The following SLC1A1 variants were observed in gnomAD, a reference collection of about 807,000 sequenced individuals.
The protein encoded by SLC1A1 is solute carrier family 1 member 1, also known as excitatory amino acid transporter 3.
A neutral mutation model predicts 53.3 loss-of-function variants in SLC1A1; 43 were observed. The observed-to-expected ratio is 0.81, with a 90% confidence interval of 0.63 to 1.04. The LOEUF (loss-of-function observed/expected upper bound fraction) is 1.04, where lower values mean the gene tolerates loss of function less well. Ranked by LOEUF, SLC1A1 falls within the 50% of genes least tolerant of loss-of-function variation. The pLI is 0.00. For missense variants in SLC1A1, 748 were observed against 664.9 expected, an observed-to-expected ratio of 1.12 and a Z score of -1.37; for synonymous variants, 307 against 243.2, an observed-to-expected ratio of 1.26 and a Z score of -2.44.
intron 1 of SLC1A1, among the ~76,000 whole-genome samples, chr9:4,538,842 G>A (rs1016057639): frequency 1.3e-5 from 2 of 152,138 alleles, no homozygotes; most frequent in Non-Finnish European, 1.5e-5. Context: ...GAAACTATCC[G>A]TCTATTTATC....
At chr9:4,518,881 T>C (rs1038103082) in intron 1 of SLC1A1, among the ~76,000 whole-genome samples, 9 of 152,236 alleles carry the variant, frequency 5.9e-5, no homozygotes, top group African/African-American at 2.2e-4. Context: ...TATCATTCCT[T>C]CTTGACTTAT....
intron 1 of SLC1A1, among the ~76,000 whole-genome samples, chr9:4,539,257 G>A (rs1308109366): frequency 6.6e-6 from 1 of 152,110 alleles, no homozygotes; most frequent in Non-Finnish European, 1.5e-5. Context: ...AACAAAGGCT[G>A]GTTAGGACCT....
rs1317862476 is a variant in SLC1A1 at position 4,587,360 on chromosome 9, G to A, written c.*1802G>A. On this transcript the variant is annotated 3_prime_UTR_variant, in exon 12 of 12. Transcript: ENST00000262352. ...TGGCAGAGCTGTTCATGAGCTGCCA[G>A]TTATCATTTTGGAGTCAGTTTGAAA... is the stretch of plus-strand genomic sequence containing the variant. 5 of 152,196 alleles carry A rather than the reference G, an allele frequency of 3.3e-5. No individual in the cohort carries two copies. Among genetic ancestry groups the A allele is most frequent in the African/African-American group, 1.2e-4 (5 of 41,440 alleles). 9.4% of individuals were successfully genotyped at this position (152,196 alleles called of 1,614,324 possible).
intron 1 of SLC1A1, among the ~76,000 whole-genome samples, chr9:4,515,201 C>A (rs561729556): frequency 2.6e-5 from 4 of 152,270 alleles, no homozygotes; most frequent in Middle Eastern, 3.4e-3. Flanking sequence ...ATGCTGGCCT[C>A]TTCTAACCTA....
At position 4,583,174 on chromosome 9, in the gene SLC1A1, T is replaced by C; in HGVS notation, c.1328+2T>C. ...GATCATTGCTGTCGACTGGCTCCTG[T>C]GAGTTGGAATAAATGCACTGCCTTA... is the stretch of plus-strand genomic sequence containing the variant. On this transcript the variant is annotated splice_donor_variant, in intron 11 of 11. Transcript: ENST00000262352. LOFTEE classifies it high-confidence loss of function. The surrounding 1 kb of genome is among the most constrained non-coding windows in gnomAD (Gnocchi z 4.6). 6.2e-7 allele frequency: 1 copy of C among 1,614,230 alleles called. No individual in the cohort carries two copies. Among genetic ancestry groups the C allele is most frequent in the Non-Finnish European group, 8.5e-7 (1 of 1,180,042 alleles).
At chr9:4,512,551 G>C (rs879727046) in intron 1 of SLC1A1, among the ~76,000 whole-genome samples, 1 of 151,862 alleles carries the variant, frequency 6.6e-6, no homozygotes, top group South Asian at 2.1e-4. Context: ...GAAAGATAAA[G>C]GCATTAGAAG....
chr9:4,534,095 C>G (rs1816581911), intron 1 of SLC1A1, among the ~76,000 whole-genome samples: 1 of 152,134 alleles, frequency 6.6e-6, no homozygotes, highest in African/African-American at 2.4e-5. Context: ...TAAATGCCCA[C>G]AACAGAAAGC....
At chr9:4,516,495 T>C (rs529230710) in intron 1 of SLC1A1, among the ~76,000 whole-genome samples, 6 of 152,306 alleles carry the variant, frequency 3.9e-5, no homozygotes, top group African/African-American at 1.4e-4. Context: ...ATCAAACCTT[T>C]ACCCGACCCA....
intron 1 of SLC1A1, among the ~76,000 whole-genome samples, chr9:4,506,015 G>A (rs937936343): frequency 1.3e-5 from 2 of 152,068 alleles, no homozygotes; most frequent in South Asian, 2.1e-4. Context: ...TAGTAGAGAG[G>A]GGGTTTCACC....
chr9:4,493,360 T>G (rs1158452450), intron 1 of SLC1A1, among the ~76,000 whole-genome samples: 1 of 152,210 alleles, frequency 6.6e-6, no homozygotes, highest in African/African-American at 2.4e-5. Flanking sequence ...TAAGGGCTGA[T>G]TTGTTTAATT....
At chr9:4,500,432 C>T (rs1300698329) in intron 1 of SLC1A1, among the ~76,000 whole-genome samples, 4 of 152,118 alleles carry the variant, frequency 2.6e-5, no homozygotes, top group African/African-American at 4.8e-5. Context: ...CTCAGCCTCC[C>T]GGGTAGCTGG....
chr9:4,505,064 T>TTTC (rs1820756025), intron 1 of SLC1A1, among the ~76,000 whole-genome samples: 2 of 148,994 alleles, frequency 1.3e-5, no homozygotes, highest in Admixed American at 1.3e-4. Flanking sequence ...TTTTTTTTTT[T>TTTC]GAGATACAGC....
Position 4,583,193 on chromosome 9 carries a change from T to C in SLC1A1, c.1328+21T>C, listed in dbSNP as rs764418724. ...CTCCTGTGAGTTGGAATAAATGCAC[T>C]GCCTTAGCTGGATGTGCAGGCGGGC... On this transcript the variant is annotated intron_variant, in intron 11 of 11. Coordinates refer to ENST00000262352, the MANE Select transcript of SLC1A1 (RefSeq NM_004170.6). The surrounding 1 kb of genome is among the most constrained non-coding windows in gnomAD (Gnocchi z 4.6). The C allele has an allele frequency of 6.2e-7, 1 of 1,613,990 alleles. No homozygotes were observed. Among genetic ancestry groups the C allele is most frequent in the Non-Finnish European group, 8.5e-7 (1 of 1,179,836 alleles).
chr9:4,496,693 A>C (rs1463361897), intron 1 of SLC1A1, among the ~76,000 whole-genome samples: 7 of 151,476 alleles, frequency 4.6e-5, no homozygotes, highest in Non-Finnish European at 5.9e-5. Context: ...CTAGGAGTTC[A>C]AGACCAGCCT....
rs1397256714 is a variant in SLC1A1, at chr9:4,566,078, T to G, written c.472T>G (p.Cys158Gly). The change falls in exon 5 of 12, where the codon TGT becomes GGT. Residue 158 changes from cysteine (C) to glycine (G), a missense_variant. Cys to Gly is a radical substitution (Grantham distance 159). Coordinates refer to ENST00000262352, the MANE Select transcript of SLC1A1 (RefSeq NM_004170.6). ...NMFPENLVQA[C>G]FQQYKTKREE... ...GTTCCCTGAGAATCTTGTCCAGGCCTGTTTTCAGCAGGTAATATTAATTAC... is the reference window on the plus strand; with the variant it reads ...GTTCCCTGAGAATCTTGTCCAGGCCGGTTTTCAGCAGGTAATATTAATTAC... 4 of 1,613,148 alleles carry G rather than the reference T, an allele frequency of 2.5e-6. No individual in the cohort carries two copies. In the East Asian group the frequency reaches 8.9e-5, roughly 36 times the overall value.
intron 10 of SLC1A1, among the ~76,000 whole-genome samples, chr9:4,578,545 G>A (rs1820775831): frequency 6.6e-6 from 1 of 152,168 alleles, no homozygotes; most frequent in Admixed American, 6.5e-5. Flanking sequence ...GAGAAGGACA[G>A]AGAGATGGGA....
chr9:4,556,631 TG>T lies in SLC1A1; in HGVS notation c.233-4815del, dbSNP rs1818418614. ...AGGTTTTACTTGTTTGGGACTAAGT[TG>T]GGCCTGATCTTCGACGTCAACGCCA... On this transcript the variant is annotated intron_variant, in intron 2 of 11. Coordinates refer to ENST00000262352, the MANE Select transcript of SLC1A1 (RefSeq NM_004170.6). This position sits in a 1 kb window ranked among gnomAD's most constrained non-coding sequence, Gnocchi z 4.1. Among the ~76,000 whole-genome samples the T allele has an allele frequency of 6.6e-6, 1 of 152,182 alleles. No individual in the cohort carries two copies. The highest frequency in any genetic ancestry group is 1.9e-4 in the East Asian group (1 of 5,194).
chr9:4,506,357 C>T (rs62542053), intron 1 of SLC1A1, among the ~76,000 whole-genome samples: 45,523 of 152,046 alleles, frequency 0.3, 8,234 homozygotes, highest in South Asian at 0.45. Context: ...TGTGTTTGGG[C>T]TTTGTGTACA....
At chr9:4,576,205 G>A in intron 9 of SLC1A1, 82 bp downstream of exon 9, 1 of 1,421,454 alleles carries the variant, frequency 7.0e-7, no homozygotes, top group South Asian at 1.2e-5. Flanking sequence ...ACAGACTCCA[G>A]CTTGCGGTTT....
Sources: allele counts gnomAD v4.1 joint callset (sites outside exome capture counted in the v4.1 genomes callset), GRCh38; gene constraint gnomAD v4.1.1; non-coding constraint Gnocchi (gnomAD v3.1); transcripts MANE v1.5; gene names NCBI Gene and HGNC (gene_info 2026-07-23, HGNC 2026-07-21).